Variants in SAFB2 observed in about 807,000 individuals in gnomAD.
The protein encoded by SAFB2 is scaffold attachment factor B2.
SAFB2 carries 32 observed loss-of-function variants against 100.6 expected under a neutral mutation model. That is an observed-to-expected ratio of 0.32 (90% CI 0.24 to 0.43). The LOEUF is 0.43. Among genes scored for constraint, SAFB2 ranks in the 20% least tolerant of loss-of-function variants. The pLI is 1.00. For synonymous variants in SAFB2, 500 were observed against 439.4 expected, an observed-to-expected ratio of 1.14 and a Z score of -1.72; for missense variants, 1,185 against 1,163.4, an observed-to-expected ratio of 1.02 and a Z score of -0.27.
At position 5,616,465 on chromosome 19, in the gene SAFB2, C is replaced by T. The variant is rs1342462426; in HGVS notation, c.296G>A (p.Gly99Asp). The T allele has an allele frequency of 1.2e-6, 2 of 1,613,918 alleles. No homozygotes were observed. Among genetic ancestry groups the T allele is most frequent in the East Asian group, 2.2e-5 (1 of 44,862 alleles). Reference sequence around the variant, plus strand: ...GTCTTCCAGGCCATTATCTTCTGTGCCTTCCTCCTCCATCTTCAGTCCTAA... The same window carrying T: ...GTCTTCCAGGCCATTATCTTCTGTGTCTTCCTCCTCCATCTTCAGTCCTAA... ...CVKGLKMEEE[G>D]TEDNGLEDDS... Residue 99 changes from glycine (G) to aspartate (D), a missense_variant, in exon 3 of 21, where the codon GGC becomes GAC. Gly to Asp is a moderately conservative substitution (Grantham distance 94). Transcript: ENST00000252542.
Position 5,610,668 on chromosome 19 carries a change from T to A in SAFB2, c.1166A>T (p.Asp389Val). 1.3e-6 allele frequency: 2 copies of A among 1,570,632 alleles called. No homozygotes were observed. The highest frequency in any genetic ancestry group is 1.7e-6 in the Non-Finnish European group (2 of 1,146,826). ...TTCATCTTTAATGATTGGCTTTATA[T>A]CTTTTTCTTCCTTAAAAGAGCTAGA... ...QKMSSFKEEK[D>V]IKPIIKDEKG... Residue 389 changes from aspartate to valine, a missense_variant, in exon 8 of 21, where the codon GAT (aspartate) becomes GTT (valine). Asp to Val is a radical substitution (Grantham distance 152). Around this residue, in one of 3 missense-constraint regions of SAFB2, gnomAD observed 351 missense variants for 341.2 expected, o/e 1.03. Coordinates refer to ENST00000252542, the MANE Select transcript of SAFB2 (RefSeq NM_014649.3).
intron 18 of SAFB2, 114 bp downstream of exon 18, chr19:5,590,164 C>A: frequency 2.1e-6 from 2 of 970,524 alleles, no homozygotes; most frequent in Non-Finnish European, 2.9e-6. Flanking sequence ...CCCTGGTAGC[C>A]CATCCTAAAG....
chr19:5,612,361 T>C (rs1052915123), intron 6 of SAFB2, 179 bp downstream of exon 6: 2 of 635,424 alleles, frequency 3.1e-6, no homozygotes, highest in African/African-American at 1.8e-5. Flanking sequence ...GAAGCCAGAA[T>C]GGCTCTTCCA....
chr19:5,598,088 T>C (rs1335477400), intron 13 of SAFB2, among the ~76,000 whole-genome samples: 8 of 138,266 alleles, frequency 5.8e-5, no homozygotes, highest in Middle Eastern at 4.0e-3. Flanking sequence ...TGAGCAGAGA[T>C]CACGCCACTG....
At chr19:5,613,317 G>C (rs2052949794) in intron 5 of SAFB2, 148 bp downstream of exon 5, 1 of 701,068 alleles carries the variant, frequency 1.4e-6, no homozygotes, top group East Asian at 2.8e-5. Flanking sequence ...GGCCAGCCCT[G>C]AGACTGTTTC....
At position 5,622,581 on chromosome 19, in the gene SAFB2, C is replaced by T. The variant is rs1278527308; in HGVS notation, c.135G>A (p.Arg45=). Residue 45 remains arginine, a synonymous_variant, in exon 1 of 21, where the codon CGG becomes CGA. Coordinates refer to ENST00000252542, the MANE Select transcript of SAFB2 (RefSeq NM_014649.3). ...TCTTGTTGCCGCCCGTGTCCAGGTT[C>T]CGCTTCTTCAGCTCCGCCCGCAGAT... is the stretch of plus-strand genomic sequence containing the variant. ...VIDLRAELKK[R]NLDTGGNKSV... The T allele has an allele frequency of 6.2e-7, 1 of 1,613,544 alleles. No individual in the cohort carries two copies. The highest frequency in any genetic ancestry group is 1.1e-5 in the South Asian group (1 of 91,072).
At chr19:5,594,658 A>C (rs1255564030) in intron 14 of SAFB2, among the ~76,000 whole-genome samples, 1 of 152,126 alleles carries the variant, frequency 6.6e-6, no homozygotes, top group Non-Finnish European at 1.5e-5. Context: ...CCATCCCATC[A>C]AAGCCACACA....
In SAFB2 at chr19:5,616,243, A is replaced by T; in HGVS notation, c.432T>A (p.Ala144=). The T allele has an allele frequency of 6.2e-7, 1 of 1,614,190 alleles. No individual in the cohort carries two copies. Among genetic ancestry groups the T allele is most frequent in the Non-Finnish European group, 8.5e-7 (1 of 1,180,026 alleles). ...CCGTGCCATCCTCCCCAAAATCTGGAGCACTGCTATTCGCCACTTCAGTTT... is the reference window on the plus strand; with the variant it reads ...CCGTGCCATCCTCCCCAAAATCTGGTGCACTGCTATTCGCCACTTCAGTTT... The part of the protein sequence containing the change: ...LDETEVANSS[A]PDFGEDGTDG... The change falls in exon 4 of 21, where the codon GCT becomes GCA. Residue 144 remains alanine (A), a synonymous_variant. Transcript: ENST00000252542.
In SAFB2 at chr19:5,604,798, A is replaced by C; in HGVS notation, c.1435T>G (p.Ser479Ala). ...HRTELHGRMI[S>A]VEKAKNEPAG... ...GAGAACTGCCTCACCTTCTCTACGG[A>C]GATCATTCGTCCATGCAGCTCAGTT... Residue 479 changes from serine to alanine, a missense_variant, in exon 10 of 21, where the codon TCC becomes GCC. Ser to Ala is a moderately conservative substitution (Grantham distance 99). Coordinates refer to ENST00000252542, the MANE Select transcript of SAFB2 (RefSeq NM_014649.3). The C allele has an allele frequency of 6.2e-7, 1 of 1,614,084 alleles. No homozygotes were observed. Among genetic ancestry groups the C allele is most frequent in the Non-Finnish European group, 8.5e-7 (1 of 1,180,002 alleles).
chr19:5,591,424 A>G (rs1168862956), intron 17 of SAFB2: 4 of 222,314 alleles, frequency 1.8e-5, no homozygotes, highest in East Asian at 1.1e-4. Context: ...GACTACAGGC[A>G]CTCGCCACCA....
At chr19:5,590,557 C>T in intron 17 of SAFB2, 149 bp from the exon 18 acceptor site, 2 of 875,518 alleles carry the variant, frequency 2.3e-6, no homozygotes, top group South Asian at 2.2e-5. Flanking sequence ...CCTGCTGGGC[C>T]CTGCTTCACT....
intron 13 of SAFB2, among the ~76,000 whole-genome samples, chr19:5,597,015 C>T (rs2285965): frequency 1.3e-5 from 2 of 151,964 alleles, no homozygotes; most frequent in Non-Finnish European, 2.9e-5. Context: ...AGGAGAGACA[C>T]ACATCACCCA....
Position 5,587,689 on chromosome 19 carries a change from G to A in SAFB2, c.2705+12C>T, listed in dbSNP as rs368621847. ...GAGTGAACCACCGTCCTCCACGGACGACACACCTTACCCCGCCACTCCACC... is the reference window on the plus strand; with the variant it reads ...GAGTGAACCACCGTCCTCCACGGACAACACACCTTACCCCGCCACTCCACC... On this transcript the variant is annotated intron_variant, in intron 20 of 20. Coordinates refer to ENST00000252542, the MANE Select transcript of SAFB2 (RefSeq NM_014649.3). The surrounding 1 kb of genome is among the most constrained non-coding windows in gnomAD (Gnocchi z 4.9). 752 of 1,545,092 alleles carry A rather than the reference G, an allele frequency of 4.9e-4. No homozygotes were observed. The highest frequency in any genetic ancestry group is 6.6e-4 in the Admixed American group (33 of 49,806).
At chr19:5,598,233 T>C (rs756900466) in intron 13 of SAFB2, among the ~76,000 whole-genome samples, 1 of 151,908 alleles carries the variant, frequency 6.6e-6, no homozygotes, top group South Asian at 2.1e-4. Flanking sequence ...TGTCACCTCA[T>C]GAATATCTTA....
At chr19:5,609,422 GC>G (rs1214215096) in intron 9 of SAFB2, among the ~76,000 whole-genome samples, 1 of 150,644 alleles carries the variant, frequency 6.6e-6, no homozygotes, top group African/African-American at 2.4e-5. Context: ...TCCCACCTCA[GC>G]TTCCCGAGTA....
At chr19:5,620,818 G>C (rs551951933) in intron 2 of SAFB2, among the ~76,000 whole-genome samples, 12 of 152,064 alleles carry the variant, frequency 7.9e-5, no homozygotes, top group African/African-American at 2.7e-4. Flanking sequence ...TGAATTTAAC[G>C]GTCTGTGAAT....
chr19:5,615,976 C>T, intron 4 of SAFB2, 156 bp downstream of exon 4: 2 of 651,374 alleles, frequency 3.1e-6, no homozygotes, highest in Non-Finnish European at 2.7e-6. Flanking sequence ...CCCTGAGCTA[C>T]ACAGCGTTTA....
At chr19:5,601,620 G>A (rs574146758) in intron 11 of SAFB2, among the ~76,000 whole-genome samples, 28 of 152,204 alleles carry the variant, frequency 1.8e-4, no homozygotes, top group Admixed American at 4.6e-4. Context: ...GCTAAGGCAG[G>A]AGAATTGCTT....
In SAFB2 at chr19:5,600,315, G is replaced by A. The variant is rs769784110; in HGVS notation, c.1560-55C>T. ...GTTCACAAGACTCTGTAACAGGAAC[G>A]GCTCACCCAGAGCCTCGACTCACAC... On this transcript the variant is annotated intron_variant, in intron 11 of 20. Coordinates refer to ENST00000252542, the MANE Select transcript of SAFB2 (RefSeq NM_014649.3). 30 of 1,594,812 alleles carry A rather than the reference G, an allele frequency of 1.9e-5. No homozygotes were observed. In the Admixed American group the frequency reaches 2.6e-4, roughly 14 times the overall value.
Sources: gnomAD v4.1 joint callset for allele counts (sites outside exome capture counted in the v4.1 genomes callset) on GRCh38, gnomAD v4.1.1 for gene constraint, gnomAD v4.1.1 regional missense constraint, Gnocchi (gnomAD v3.1) non-coding constraint, MANE v1.5 for transcripts, NCBI Gene and HGNC (gene_info 2026-07-23, HGNC 2026-07-21) for gene names.